Variants in SGCG observed in about 807,000 individuals in gnomAD.
SGCG encodes the protein sarcoglycan gamma, also known as gamma-sarcoglycan.
A neutral mutation model predicts 29.3 loss-of-function variants in SGCG; 26 were observed. The ratio of observed to expected loss-of-function variants is 0.89; its 90% CI spans 0.65 to 1.23. SGCG has a LOEUF of 1.23. Among genes scored for constraint, SGCG ranks in the 50% most tolerant of loss-of-function variants. SGCG has a pLI of 0.00. For synonymous variants in SGCG, 145 were observed against 129.7 expected, an observed-to-expected ratio of 1.12 and a Z score of -0.80; for missense variants, 353 against 356.0, an observed-to-expected ratio of 0.99 and a Z score of 0.07.
intron 6 of SGCG, among the ~76,000 whole-genome samples, chr13:23,300,140 C>T (rs1882095434): frequency 1.3e-5 from 2 of 152,114 alleles, no homozygotes; most frequent in African/African-American, 4.8e-5. Flanking sequence ...TTATTATTTC[C>T]ACGTCTGTTC....
At chr13:23,174,822 TA>T in the SGCG span, among the ~76,000 whole-genome samples, 2 of 152,322 alleles carry the variant, frequency 1.3e-5, no homozygotes, top group African/African-American at 4.8e-5. Flanking sequence ...GTTGCATTTT[TA>T]TTTTTTTAAT....
Position 23,250,674 on chromosome 13 carries a change from T to G in SGCG, c.342T>G (p.Asn114Lys). The G allele has an allele frequency of 6.2e-7, 1 of 1,613,262 alleles. No individual in the cohort carries two copies. Among genetic ancestry groups the G allele is most frequent in the Non-Finnish European group, 8.5e-7 (1 of 1,179,268 alleles). ...AATCAACCCAGAATGTGACTGTAAATGCGCGCAACTCAGAAGGGGAGGTCA... is the reference window on the plus strand; with the variant it reads ...AATCAACCCAGAATGTGACTGTAAAGGCGCGCAACTCAGAAGGGGAGGTCA... ...LLQSTQNVTV[N>K]ARNSEGEVTG... is the part of the protein sequence containing the mutation. Residue 114 changes from asparagine to lysine, a missense_variant, in exon 4 of 8, where the codon AAT becomes AAG. Coordinates refer to ENST00000218867, the MANE Select transcript of SGCG (RefSeq NM_000231.3).
At chr13:23,314,837 C>T (rs980073139) in intron 6 of SGCG, among the ~76,000 whole-genome samples, 1 of 152,154 alleles carries the variant, frequency 6.6e-6, no homozygotes, top group Admixed American at 6.5e-5. Context: ...CACCTGCAAC[C>T]AAGAAAACGG....
At chr13:23,254,214 A>G (rs2137575080) in intron 4 of SGCG, among the ~76,000 whole-genome samples, 1 of 152,242 alleles carries the variant, frequency 6.6e-6, no homozygotes, top group Admixed American at 6.5e-5. Context: ...GACTTCTTAG[A>G]GACTTAGTAA....
chr13:23,167,570 C>T, the SGCG span, among the ~76,000 whole-genome samples: 245 of 152,212 alleles, frequency 1.6e-3, no homozygotes, highest in Middle Eastern at 3.4e-3. Context: ...TTTGTTATTG[C>T]CTGTCTTTTG....
At chr13:23,285,893 G>A (rs543121332) in intron 5 of SGCG, among the ~76,000 whole-genome samples, 1 of 152,304 alleles carries the variant, frequency 6.6e-6, no homozygotes, top group South Asian at 2.1e-4. Context: ...CTTCCCAAGT[G>A]AGGCAACACC....
intron 2 of SGCG, among the ~76,000 whole-genome samples, chr13:23,224,657 G>GACACACACACACACAC (rs1878820912): frequency 1.8e-5 from 1 of 56,286 alleles, no homozygotes; most frequent in Non-Finnish European, 3.4e-5. Flanking sequence ...CCCCAAACAG[G>GACACACACACACACAC]GCACACATAC....
chr13:23,314,471 A>G (rs1438372703), intron 6 of SGCG, among the ~76,000 whole-genome samples: 1 of 141,848 alleles, frequency 7.0e-6, no homozygotes, highest in Admixed American at 7.2e-5. Flanking sequence ...TATATATAAG[A>G]TATATATCTT....
At chr13:23,248,963 C>T (rs1239032116) in intron 3 of SGCG, among the ~76,000 whole-genome samples, 3 of 148,654 alleles carry the variant, frequency 2.0e-5, no homozygotes, top group Non-Finnish European at 4.4e-5. Context: ...TGCACTCCAG[C>T]CTGGGCGACA....
chr13:23,199,107 C>CAA (rs35004017), intron 1 of SGCG, among the ~76,000 whole-genome samples: 21 of 137,622 alleles, frequency 1.5e-4, no homozygotes, highest in Middle Eastern at 3.8e-3. Flanking sequence ...GACTCCGTCT[C>CAA]AAAAAAAAAA....
chr13:23,239,354 C>T (rs1428139902), intron 3 of SGCG, among the ~76,000 whole-genome samples: 5 of 152,060 alleles, frequency 3.3e-5, no homozygotes, highest in Non-Finnish European at 1.5e-5. Flanking sequence ...AAAAGGCCAA[C>T]CTAGAACTCT....
chr13:23,207,798 A>G (rs1341327838), intron 2 of SGCG, among the ~76,000 whole-genome samples: 1 of 152,136 alleles, frequency 6.6e-6, no homozygotes, highest in East Asian at 1.9e-4. Flanking sequence ...ACAAAAGACA[A>G]CAAATACTGG....
intron 2 of SGCG, among the ~76,000 whole-genome samples, chr13:23,218,549 A>C (rs1437205367): frequency 6.6e-6 from 1 of 152,212 alleles, no homozygotes; most frequent in African/African-American, 2.4e-5. Context: ...TAAATATTAA[A>C]TTCATAAACT....
At chr13:23,263,090 A>G (rs562356117) in intron 4 of SGCG, among the ~76,000 whole-genome samples, 3 of 152,084 alleles carry the variant, frequency 2.0e-5, no homozygotes, top group Non-Finnish European at 4.4e-5. Context: ...CACCTCAAGG[A>G]ACTAGAGAAA....
At chr13:23,319,096 G>A (rs1348579858) in intron 6 of SGCG, among the ~76,000 whole-genome samples, 2 of 152,170 alleles carry the variant, frequency 1.3e-5, no homozygotes, top group African/African-American at 4.8e-5. Flanking sequence ...TCAGGAGTTC[G>A]AGACCAGCCT....
At chr13:23,165,143 A>G in the SGCG span, among the ~76,000 whole-genome samples, 2 of 152,216 alleles carry the variant, frequency 1.3e-5, no homozygotes, top group Admixed American at 6.5e-5. Context: ...AAATAGAAAA[A>G]TTATTATCAG....
At chr13:23,299,443 TATATATATATATA>T (rs1566037509) in intron 6 of SGCG, among the ~76,000 whole-genome samples, 50 of 22,994 alleles carry the variant, frequency 2.2e-3, no homozygotes, top group African/African-American at 5.4e-3. Flanking sequence ...TATATATATA[TATATATATATATA>T]TTTTTTTTTT....
chr13:23,220,002 AT>A (rs71100162), intron 2 of SGCG, among the ~76,000 whole-genome samples: 1 of 149,058 alleles, frequency 6.7e-6, no homozygotes, highest in African/African-American at 2.5e-5. Flanking sequence ...CGCCCGGTCA[AT>A]TTTTTTTTTC....
intron 2 of SGCG, among the ~76,000 whole-genome samples, chr13:23,216,314 TCA>T (rs1011623637): frequency 6.6e-6 from 1 of 152,112 alleles, no homozygotes; most frequent in African/African-American, 2.4e-5. Flanking sequence ...CTGAGCCATA[TCA>T]CAGTGCCATA....
Sources: allele counts gnomAD v4.1 joint callset (sites outside exome capture counted in the v4.1 genomes callset), GRCh38; gene constraint gnomAD v4.1.1; transcripts MANE v1.5; gene names NCBI Gene and HGNC (gene_info 2026-07-23, HGNC 2026-07-21).